Variants in PLEKHA7 observed in about 807,000 individuals in gnomAD.
PLEKHA7 encodes the protein pleckstrin homology domain-containing family A member 7.
PLEKHA7 carries 104 observed loss-of-function variants against 170.0 expected under a neutral mutation model. That is an observed-to-expected ratio of 0.61 (90% CI 0.52 to 0.72). The LOEUF is 0.72. Ranked by LOEUF, PLEKHA7 falls within the 30% of genes least tolerant of loss-of-function variation. The pLI is 0.00. For synonymous variants in PLEKHA7, 648 were observed against 660.8 expected (o/e 0.98, Z 0.30); for missense variants, 1,615 against 1,671.7 (o/e 0.97, Z 0.59).
chr11:16,819,805 G>A (rs369047573), intron 10 of PLEKHA7, among the ~76,000 whole-genome samples: 138 of 152,336 alleles, frequency 9.1e-4, no homozygotes, highest in African/African-American at 3.1e-3. Flanking sequence ...GGAGGGAGAG[G>A]AGAGATGGAA....
chr11:16,852,178 C>A, intron 7 of PLEKHA7, 105 bp downstream of exon 7: 1 of 918,598 alleles, frequency 1.1e-6, no homozygotes, highest in South Asian at 1.7e-5. Context: ...TTTAACCCAA[C>A]AGATTGAACT....
At chr11:16,892,164 G>A (rs1646541821) in intron 3 of PLEKHA7, among the ~76,000 whole-genome samples, 1 of 152,176 alleles carries the variant, frequency 6.6e-6, no homozygotes, top group Non-Finnish European at 1.5e-5. Context: ...ATGACCTTAT[G>A]CTCCTCACGA....
At chr11:16,801,870 C>A (rs1848619223) in intron 15 of PLEKHA7, 53 bp from the exon 16 acceptor site, 13 of 1,602,480 alleles carry the variant, frequency 8.1e-6, no homozygotes, top group Admixed American at 1.7e-5. Flanking sequence ...TCCCCAGAGG[C>A]CTCCCCATAC....
intron 13 of PLEKHA7, among the ~76,000 whole-genome samples, chr11:16,805,084 A>G (rs989712132): frequency 2.6e-5 from 4 of 152,230 alleles, no homozygotes; most frequent in Admixed American, 2.0e-4. Flanking sequence ...GAGGTTGTCT[A>G]TTCTCCAAAC....
intron 3 of PLEKHA7, among the ~76,000 whole-genome samples, chr11:16,899,024 G>A (rs1460227518): frequency 6.6e-6 from 1 of 152,332 alleles, no homozygotes. Context: ...TATATTCAAT[G>A]TGAAACCAAT....
rs2136766844 is a variant in PLEKHA7 at position 16,975,144 on chromosome 11, A to C, written c.221+38845T>G. 2 of 393,592 alleles carry C rather than the reference A, an allele frequency of 5.1e-6. 1 individual carries two copies. The highest frequency in any genetic ancestry group is 1.9e-3 in the Middle Eastern group (2 of 1,064). The allele number at this position is 393,592 out of a possible 1,614,324, so 24.4% of individuals were successfully genotyped here. A position where few individuals can be genotyped will look rare whatever the true frequency, so the allele number is the denominator to read the frequency against. On this transcript the variant is annotated intron_variant, in intron 3 of 26. Transcript: ENST00000531066. ...CCCCACCACAATCAGGACACAGGAC[A>C]GTTCCACCACTTCAAAGAAATGTAC... is the stretch of plus-strand genomic sequence containing the variant.
chr11:16,876,011 G>A (rs1204482027), intron 3 of PLEKHA7, among the ~76,000 whole-genome samples: 1 of 152,026 alleles, frequency 6.6e-6, no homozygotes, highest in Non-Finnish European at 1.5e-5. Flanking sequence ...CACTACTCCA[G>A]GCTCATCCTT....
chr11:16,786,707 CAG>C (rs1202815502), intron 23 of PLEKHA7: 11 of 985,284 alleles, frequency 1.1e-5, no homozygotes, highest in African/African-American at 1.7e-5. Context: ...CAACTTGGGA[CAG>C]AGTTCTAGAG....
intron 8 of PLEKHA7, among the ~76,000 whole-genome samples, chr11:16,848,226 G>A (rs1462833763): frequency 1.3e-5 from 2 of 152,230 alleles, no homozygotes; most frequent in African/African-American, 2.4e-5. Flanking sequence ...ATGCAAACTT[G>A]AGAATATAAG....
intron 10 of PLEKHA7, among the ~76,000 whole-genome samples, chr11:16,820,427 ACTTGTCGTGC>A (rs1166605840): frequency 6.6e-6 from 1 of 152,104 alleles, no homozygotes; most frequent in Non-Finnish European, 1.5e-5. Context: ...TCTTCAACCT[ACTTGTCGTGC>A]CTGCCAAGTG....
At chr11:16,843,373 C>T (rs1852123004) in intron 8 of PLEKHA7, among the ~76,000 whole-genome samples, 1 of 152,214 alleles carries the variant, frequency 6.6e-6, no homozygotes, top group Non-Finnish European at 1.5e-5. Context: ...TAGATGAAAA[C>T]CTCTCAAATG....
At chr11:16,831,427 C>A (rs1851100311) in intron 9 of PLEKHA7, among the ~76,000 whole-genome samples, 2 of 152,200 alleles carry the variant, frequency 1.3e-5, no homozygotes, top group South Asian at 2.1e-4. Context: ...CACCCCTCGG[C>A]CGTCAATGAC....
intron 3 of PLEKHA7, among the ~76,000 whole-genome samples, chr11:16,906,252 A>T (rs1857665026): frequency 8.8e-6 from 1 of 113,156 alleles, no homozygotes; most frequent in Non-Finnish European, 2.0e-5. Flanking sequence ...GGAAGGAAGG[A>T]AGGAAGGAAG....
intron 25 of PLEKHA7, 38 bp from the exon 26 acceptor site, chr11:16,782,934 C>T: frequency 2.0e-6 from 3 of 1,528,330 alleles, no homozygotes; most frequent in Non-Finnish European, 2.6e-6. Context: ...GGCCCTCCTG[C>T]CCTGGGTAGC....
At chr11:17,012,969 T>TA (rs1167856444) in intron 3 of PLEKHA7, 2 of 151,874 alleles carry the variant, frequency 1.3e-5, no homozygotes, top group Non-Finnish European at 2.9e-5. Flanking sequence ...GCTTTATTCC[T>TA]AACAGTAGTA....
intron 3 of PLEKHA7, among the ~76,000 whole-genome samples, chr11:16,987,534 G>A (rs1263494336): frequency 6.6e-6 from 1 of 152,098 alleles, no homozygotes; most frequent in Non-Finnish European, 1.5e-5. Flanking sequence ...TCTAACCTTT[G>A]CTTACCCTAT....
At chr11:16,947,021 C>G (rs1861073432) in intron 3 of PLEKHA7, among the ~76,000 whole-genome samples, 1 of 152,160 alleles carries the variant, frequency 6.6e-6, no homozygotes, top group African/African-American at 2.4e-5. Flanking sequence ...GCCAGCACCC[C>G]CTGGGAACCT....
At chr11:16,797,853 CCT>C (rs1281745533) in intron 17 of PLEKHA7, among the ~76,000 whole-genome samples, 7 of 152,146 alleles carry the variant, frequency 4.6e-5, no homozygotes, top group African/African-American at 1.7e-4. Flanking sequence ...TTCTTGCCCC[CCT>C]GATGCCTTTC....
At chr11:16,882,873 TA>T (rs1855812869) in intron 3 of PLEKHA7, among the ~76,000 whole-genome samples, 3 of 48,132 alleles carry the variant, frequency 6.2e-5, no homozygotes, top group Non-Finnish European at 2.0e-4. Context: ...CACACACACA[TA>T]CACACACACA....
Sources: allele counts gnomAD v4.1 joint callset (sites outside exome capture counted in the v4.1 genomes callset), GRCh38; gene constraint gnomAD v4.1.1; transcripts MANE v1.5; gene names NCBI Gene and HGNC (gene_info 2026-07-23, HGNC 2026-07-21).